PARVG: variants seen among roughly 807,000 people sequenced by gnomAD.
PARVG encodes the protein parvin gamma.
Under a neutral mutation model 44.4 loss-of-function variants are expected in PARVG, and 36 were observed. The observed-to-expected ratio is 0.81, with a 90% confidence interval of 0.62 to 1.07. PARVG has a LOEUF of 1.07. Ranked by LOEUF, PARVG falls within the 50% of genes least tolerant of loss-of-function variation. PARVG has a pLI of 0.00. For synonymous variants in PARVG, 170 were observed against 174.1 expected (o/e 0.98, Z 0.19); for missense variants, 407 against 407.4 (o/e 1.00, Z 0.01).
chr22:44,196,387 G>C lies in PARVG; in HGVS notation c.683G>C (p.Gly228Ala), dbSNP rs1024715721. 5 of 1,614,086 alleles carry C rather than the reference G, an allele frequency of 3.1e-6. No homozygotes were observed. Among genetic ancestry groups the C allele is most frequent in the Non-Finnish European group, 3.4e-6 (4 of 1,180,046 alleles). Residue 228 changes from glycine to alanine, a missense_variant, in exon 11 of 14, where the codon GGC becomes GCC. By Grantham distance (60) the Gly-to-Ala change is moderately conservative. Coordinates refer to ENST00000444313, the MANE Select transcript of PARVG (RefSeq NM_022141.7). The stretch of plus-strand genomic sequence containing the variant: ...GTCAACCAGAAGCTGGACCGCCTGG[G>C]CCTGTCTGTGCAGAATCTGGACACC... ...NFVNQKLDRL[G>A]LSVQNLDTQF...
At chr22:44,187,547 C>T in intron 4 of PARVG, 1 of 591,054 alleles carries the variant, frequency 1.7e-6, no homozygotes, top group Non-Finnish European at 3.0e-6. Flanking sequence ...TAATGACAGC[C>T]CCACACTGCT....
At chr22:44,200,847 T>TC (rs1346217949) in intron 12 of PARVG, among the ~76,000 whole-genome samples, 4 of 150,458 alleles carry the variant, frequency 2.7e-5, no homozygotes, top group Admixed American at 1.3e-4. Flanking sequence ...CCTACCAGAC[T>TC]CCCCCTCCAC....
At chr22:44,175,213 G>A (rs886812117) in intron 1 of PARVG, among the ~76,000 whole-genome samples, 1 of 152,218 alleles carries the variant, frequency 6.6e-6, no homozygotes, top group African/African-American at 2.4e-5. Context: ...CAATTCAGCC[G>A]TCACCTCCCC....
Position 44,174,914 on chromosome 22 carries a change from G to A in PARVG, c.-189+1723G>A, listed in dbSNP as rs144531079. ...AGGCAGGTGGATCACCTGAGGTCAG[G>A]AGTTCAAGACCAGCCTGGCTAACAT... On this transcript the variant is annotated intron_variant, in intron 1 of 13. Transcript: ENST00000422871. Among the ~76,000 whole-genome samples, 119 of 152,128 alleles carry A rather than the reference G, an allele frequency of 7.8e-4. 2 individuals carry two copies. The East Asian group carries it at 0.019, about 24-fold the overall frequency.
intron 11 of PARVG, among the ~76,000 whole-genome samples, chr22:44,197,540 G>A (rs2054635200): frequency 6.6e-6 from 1 of 152,152 alleles, no homozygotes; most frequent in Admixed American, 6.5e-5. Flanking sequence ...TGTGTGATAT[G>A]GTGTGGCAGC....
chr22:44,180,798 C>T (rs993016811), upstream of PARVG: 1 of 326,896 alleles, frequency 3.1e-6, no homozygotes, highest in African/African-American at 2.2e-5. Context: ...TGCTCTCACA[C>T]ACTCCTTACA....
At chr22:44,193,215 C>T (rs370541108) in intron 8 of PARVG, among the ~76,000 whole-genome samples, 7 of 139,600 alleles carry the variant, frequency 5.0e-5, no homozygotes, top group South Asian at 2.4e-4. Flanking sequence ...GATCTAAAAA[C>T]GTGACCAAAA....
At chr22:44,187,205 G>A in intron 4 of PARVG, 1 of 171,380 alleles carries the variant, frequency 5.8e-6, no homozygotes, top group Non-Finnish European at 1.3e-5. Context: ...GGCAGGCTTG[G>A]CTCCTTCTGG....
intron 12 of PARVG, among the ~76,000 whole-genome samples, chr22:44,200,201 T>C (rs1233467102): frequency 6.6e-6 from 1 of 152,166 alleles, no homozygotes; most frequent in East Asian, 1.9e-4. Flanking sequence ...GCACCCTTCC[T>C]ACCAGGTAGG....
chr22:44,173,756 G>A (rs1053303599), intron 1 of PARVG, among the ~76,000 whole-genome samples: 1 of 152,176 alleles, frequency 6.6e-6, no homozygotes, highest in Admixed American at 6.5e-5. Context: ...GCCCCTTGGG[G>A]GATCTTTGGC....
At chr22:44,204,395 G>T (rs114035476) in intron 12 of PARVG, among the ~76,000 whole-genome samples, 1 of 152,258 alleles carries the variant, frequency 6.6e-6, no homozygotes, top group Admixed American at 6.5e-5. Context: ...AGGCAGACAG[G>T]TGTATCATCC....
chr22:44,185,393 C>T (rs1242284837), intron 3 of PARVG: 5 of 166,262 alleles, frequency 3.0e-5, no homozygotes, highest in South Asian at 1.5e-4. Flanking sequence ...AGGGCCACCC[C>T]GGGGAGTCTG....
At chr22:44,177,469 G>A (rs1172655779), upstream of PARVG, among the ~76,000 whole-genome samples, 1 of 152,192 alleles carries the variant, frequency 6.6e-6, no homozygotes, top group Non-Finnish European at 1.5e-5. Context: ...ACAAGGCATT[G>A]AATGAGTTGT....
At position 44,206,718 on chromosome 22, in the gene PARVG, T is replaced by C. The variant is rs2054787104; in HGVS notation, c.*292T>C. 5.0e-6 allele frequency: 2 copies of C among 403,390 alleles called. No homozygotes were observed. The highest frequency in any genetic ancestry group is 5.0e-5 in the South Asian group (2 of 40,244). 25.0% of individuals were successfully genotyped at this position (403,390 alleles called of 1,614,324 possible). A position where few individuals can be genotyped will look rare whatever the true frequency, so the allele number is the denominator to read the frequency against. ...AACCTGCAGCCTCCCTCCCATGGGG[T>C]GAGTGTGTGTCACATCAGTCTCTCA... On this transcript the variant is annotated 3_prime_UTR_variant, in exon 14 of 14. Transcript: ENST00000444313.
chr22:44,204,247 T>C (rs1055323747), intron 12 of PARVG, among the ~76,000 whole-genome samples: 1 of 152,192 alleles, frequency 6.6e-6, no homozygotes, highest in Non-Finnish European at 1.5e-5. Context: ...TCCATCTTCA[T>C]GTCCCCACGT....
intron 3 of PARVG, 47 bp from the exon 4 acceptor site, chr22:44,185,761 C>T (rs377375597): frequency 7.0e-5 from 108 of 1,534,494 alleles, no homozygotes; most frequent in Middle Eastern, 6.8e-4. Context: ...TGTGGCCAAG[C>T]GCCCCACAGG....
Position 44,182,434 on chromosome 22 carries a change from C to A in PARVG, c.-13+517C>A, listed in dbSNP as rs1399814644. On this transcript the variant is annotated intron_variant, in intron 2 of 13. Transcript: ENST00000444313. The surrounding 1 kb of genome is among the most constrained non-coding windows in gnomAD (Gnocchi z 4.6). ...CTGGGAGTCAGTTGTGTCCCCACCA[C>A]CTCCATGCTACAGGGCAGGATGGAG... Among the ~76,000 whole-genome samples the A allele has an allele frequency of 6.6e-6, 1 of 152,160 alleles. No individual in the cohort carries two copies. Among genetic ancestry groups the A allele is most frequent in the East Asian group, 1.9e-4 (1 of 5,170 alleles).
chr22:44,173,087 G>A, exon 1 of PARVG: 1 of 1,289,778 alleles, frequency 7.8e-7, no homozygotes, highest in East Asian at 5.5e-5. Context: ...GACAGGAGCT[G>A]GGGGAAGAGC....
At chr22:44,200,060 C>T (rs978135943) in intron 12 of PARVG, among the ~76,000 whole-genome samples, 2 of 152,182 alleles carry the variant, frequency 1.3e-5, no homozygotes, top group African/African-American at 4.8e-5. Flanking sequence ...TCCCCAGGTA[C>T]AGCCTTCAGT....
Sources: gnomAD v4.1 joint callset for allele counts (sites outside exome capture counted in the v4.1 genomes callset) on GRCh38, gnomAD v4.1.1 for gene constraint, Gnocchi (gnomAD v3.1) non-coding constraint, MANE v1.5 for transcripts, NCBI Gene and HGNC (gene_info 2026-07-23, HGNC 2026-07-21) for gene names.